The following TNRC6A variants were observed in gnomAD, a reference collection of about 807,000 sequenced individuals.
TNRC6A encodes the protein trinucleotide repeat-containing gene 6A protein.
In TNRC6A, 44 loss-of-function variants were observed where a neutral mutation model predicts 221.2. The observed-to-expected ratio is 0.20, with a 90% CI of 0.16 to 0.26. The LOEUF is 0.26. Among genes scored for constraint, TNRC6A ranks in the 10% least tolerant of loss-of-function variants. The pLI is 1.00. For synonymous variants in TNRC6A, 847 were observed against 838.5 expected, an observed-to-expected ratio of 1.01 and a Z score of -0.18; for missense variants, 2,199 against 2,404.4, an observed-to-expected ratio of 0.91 and a Z score of 1.79.
In TNRC6A at chr16:24,729,812, G is replaced by C. The variant is rs2056577639; in HGVS notation, c.-30G>C. 3.6e-6 allele frequency: 5 copies of C among 1,408,268 alleles called. No homozygotes were observed. Among genetic ancestry groups the C allele is most frequent in the Non-Finnish European group, 4.7e-6 (5 of 1,073,824 alleles). The allele number at this position is 1,408,268 out of a possible 1,614,324, so 87.2% of individuals were successfully genotyped here. ...TTGAGGCTCGCGAGCCTCCTTCGCC[G>C]CGCCCCACTTGCTCGTGCACTTTAC... On this transcript the variant is annotated 5_prime_UTR_variant, in exon 1 of 25. Transcript: ENST00000395799.
At chr16:24,818,816 T>G (rs2058707724) in intron 21 of TNRC6A, 116 bp downstream of exon 21, 1 of 790,224 alleles carries the variant, frequency 1.3e-6, no homozygotes, top group Non-Finnish European at 2.2e-6. Context: ...ATTCTGTTTG[T>G]GAGCCTGGGA....
At chr16:24,818,752 G>T (rs754796275) in intron 21 of TNRC6A, 52 bp downstream of exon 21, 1 of 1,424,542 alleles carries the variant, frequency 7.0e-7, no homozygotes, top group African/African-American at 1.4e-5. Flanking sequence ...CCAGAGCCGC[G>T]GCTGTTGTTT....
Position 24,777,086 on chromosome 16 carries a change from A to C in TNRC6A, c.317A>C (p.Gln106Pro), listed in dbSNP as rs1443272995. The C allele has an allele frequency of 1.6e-5, 26 of 1,609,006 alleles. No homozygotes were observed. The highest frequency in any genetic ancestry group is 2.2e-5 in the East Asian group (1 of 44,700). ...CAGCAGCAACAGCAGCAGCCGCAGC[A>C]GCAGCAGCCACAGCAGCAGCCACAG... The part of the protein sequence containing the change: ...QQQQQQQQPQ[Q>P]QQPQQQPQPQ... Residue 106 changes from glutamine (Q) to proline (P), a missense_variant, in exon 5 of 25, where the codon CAG becomes CCG. By Grantham distance (76) the Gln-to-Pro change is moderately conservative (BLOSUM62 -1). Around this residue, in one of 8 missense-constraint regions of TNRC6A, gnomAD observed 1,405 missense variants for 1,400.2 expected, o/e 1.00. Transcript: ENST00000395799.
At chr16:24,739,405 A>G (rs1196640250) in intron 2 of TNRC6A, among the ~76,000 whole-genome samples, 1 of 151,182 alleles carries the variant, frequency 6.6e-6, no homozygotes, top group African/African-American at 2.4e-5. Flanking sequence ...GTCTTTATAT[A>G]GCTTAGATAC....
intron 20 of TNRC6A, among the ~76,000 whole-genome samples, chr16:24,817,738 C>T (rs1453713372): frequency 6.6e-6 from 1 of 152,038 alleles, no homozygotes; most frequent in Non-Finnish European, 1.5e-5. Flanking sequence ...GTGAAGCAGC[C>T]ACCATGTTGC....
chr16:24,765,016 A>G (rs2057443215), intron 4 of TNRC6A, among the ~76,000 whole-genome samples: 1 of 152,122 alleles, frequency 6.6e-6, no homozygotes, highest in Non-Finnish European at 1.5e-5. Context: ...GTTCTCGCCT[A>G]TTTTTGTACT....
intron 2 of TNRC6A, among the ~76,000 whole-genome samples, chr16:24,700,191 G>T (rs776500906): frequency 3.9e-5 from 6 of 152,018 alleles, no homozygotes; most frequent in Non-Finnish European, 7.4e-5. Flanking sequence ...AGGCCAGGAG[G>T]AGTTCAAGAC....
At chr16:24,808,058 C>G (rs2058470573) in intron 17 of TNRC6A, among the ~76,000 whole-genome samples, 2 of 152,172 alleles carry the variant, frequency 1.3e-5, no homozygotes, top group Admixed American at 1.3e-4. Flanking sequence ...AAACAGTTCC[C>G]TTGTCAGTTA....
At chr16:24,708,178 G>A (rs1465391788) in intron 2 of TNRC6A, among the ~76,000 whole-genome samples, 4 of 151,772 alleles carry the variant, frequency 2.6e-5, no homozygotes, top group African/African-American at 9.7e-5. Context: ...GTTTTTGGGG[G>A]TTTTGGTTAC....
rs1555489486 is a variant in TNRC6A at position 24,687,843 on chromosome 16, G to GGAAGAGGAAGAGGAA, written n.402+46839_402+46840insGGAAGAGGAAGAAGA. On this transcript the variant is annotated intron_variant and non_coding_transcript_variant, in intron 2 of 2. Transcript: ENST00000566108. ...AAGAGGAAGAAGAGGAAGAGGAAGA[G>GGAAGAGGAAGAGGAA]GAAGAAGAAGAAGAAGAAGAAGAAG... 2.1e-3 allele frequency among the ~76,000 whole-genome samples: 217 copies of GGAAGAGGAAGAGGAA among 101,916 alleles called. 2 individuals are homozygous for GGAAGAGGAAGAGGAA. The highest frequency in any genetic ancestry group is 0.014 in the South Asian group (31 of 2,186). The allele number at this position is 101,916 out of a possible 152,430, so 66.9% of individuals were successfully genotyped here. A position where few individuals can be genotyped will look rare whatever the true frequency, so the allele number is the denominator to read the frequency against.
intron 4 of TNRC6A, among the ~76,000 whole-genome samples, chr16:24,761,915 TTC>T (rs778009874): frequency 1.3e-5 from 2 of 152,098 alleles, no homozygotes; most frequent in African/African-American, 4.8e-5. Context: ...ACAGCTAATT[TTC>T]TCTCTCTCTC....
intron 2 of TNRC6A, among the ~76,000 whole-genome samples, chr16:24,720,712 GAAAGAAAAAAAAA>G (rs1378398036): frequency 3.9e-4 from 49 of 126,638 alleles, no homozygotes; most frequent in Non-Finnish European, 6.4e-4. Context: ...AAAAAAGAAA[GAAAGAAAAAAAAA>G]AAAGAAAAAA....
At chr16:24,771,587 A>ATGTTATGT (rs1567449493) in intron 4 of TNRC6A, among the ~76,000 whole-genome samples, 144 of 142,354 alleles carry the variant, frequency 1.0e-3, no homozygotes, top group African/African-American at 2.6e-3. Flanking sequence ...TTATGTTGTT[A>ATGTTATGT]TGTTATGTTA....
At chr16:24,634,393 A>G (rs1901516378) in intron 1 of TNRC6A, among the ~76,000 whole-genome samples, 1 of 152,040 alleles carries the variant, frequency 6.6e-6, no homozygotes, top group Non-Finnish European at 1.5e-5. Flanking sequence ...TCATGCCACT[A>G]CACTCCAGCC....
At position 24,793,489 on chromosome 16, in the gene TNRC6A, G is replaced by C. The variant is rs765589409; in HGVS notation, c.3192G>C (p.Trp1064Cys). 1.0e-5 allele frequency: 15 copies of C among 1,498,642 alleles called. No individual in the cohort carries two copies. Among genetic ancestry groups the C allele is most frequent in the Middle Eastern group, 1.7e-4 (1 of 5,720 alleles). 92.8% of individuals were successfully genotyped at this position (1,498,642 alleles called of 1,614,324 possible). A position where few individuals can be genotyped will look rare whatever the true frequency, so the allele number is the denominator to read the frequency against. The stretch of plus-strand genomic sequence containing the variant: ...TTTCTAAAGGCTGGGGTGAGCCCTG[G>C]GGGGAGCCTTCTACTCCAGCCACAA... Reference protein sequence around the residue: ...ASSGSGWGEPWGEPSTPATTV... With the variant: ...ASSGSGWGEPCGEPSTPATTV... The change falls in exon 7 of 25, where the codon TGG becomes TGC. Residue 1064 changes from tryptophan to cysteine, a missense_variant. Physicochemically the swap from Trp to Cys is radical, Grantham distance 215. This residue lies in a region of TNRC6A where 1,405 missense variants were observed against 1,400.2 expected (regional missense o/e 1.00). Coordinates refer to ENST00000395799, the MANE Select transcript of TNRC6A (RefSeq NM_014494.4).
At position 24,789,278 on chromosome 16, in the gene TNRC6A, G is replaced by T. The variant is rs199978537; in HGVS notation, c.636G>T (p.Arg212=). The change falls in exon 6 of 25, where the codon CGG becomes CGT. Residue 212 remains arginine (R), a synonymous_variant. Transcript: ENST00000395799. ...TSGSHYENSQ[R]GPVSSTSDSS... ...GATCCCATTATGAAAATTCCCAGCG[G>T]GGACCTGTGTCTTCTACAAGTGATT... 2 of 1,612,432 alleles carry T rather than the reference G, an allele frequency of 1.2e-6. No individual in the cohort carries two copies. The highest frequency in any genetic ancestry group is 3.3e-5 in the Admixed American group (2 of 59,734).
At chr16:24,802,018 TAAAC>T (rs1338626919) in intron 11 of TNRC6A, among the ~76,000 whole-genome samples, 2 of 152,220 alleles carry the variant, frequency 1.3e-5, no homozygotes, top group Non-Finnish European at 2.9e-5. Flanking sequence ...AGAGGGCTCT[TAAAC>T]AACTGTGAAA....
chr16:24,769,161 G>A (rs1057128375), intron 4 of TNRC6A, among the ~76,000 whole-genome samples: 2 of 151,872 alleles, frequency 1.3e-5, no homozygotes, highest in Non-Finnish European at 2.9e-5. Context: ...TTTCAATTAA[G>A]AGGCTATTTT....
Position 24,816,812 on chromosome 16 carries a change from C to G in TNRC6A, c.4832-4C>G. 6.3e-7 allele frequency: 1 copy of G among 1,598,684 alleles called. No individual in the cohort carries two copies. Among genetic ancestry groups the G allele is most frequent in the East Asian group, 2.2e-5 (1 of 44,760 alleles). ...TTGAACTAATTTTAAATTTCCGTTT[C>G]CAGAATTTCGTCCTGGTGAGCCATG... On this transcript the variant is annotated splice_polypyrimidine_tract_variant and splice_region_variant and intron_variant, in intron 19 of 24. Coordinates refer to ENST00000395799, the MANE Select transcript of TNRC6A (RefSeq NM_014494.4).
Sources: allele counts gnomAD v4.1 joint callset (sites outside exome capture counted in the v4.1 genomes callset), GRCh38; gene constraint gnomAD v4.1.1; regional missense constraint gnomAD v4.1.1; transcripts MANE v1.5; gene names NCBI Gene and HGNC (gene_info 2026-07-23, HGNC 2026-07-21).